The following UTRN variants were observed in gnomAD, a reference collection of about 807,000 sequenced individuals.
The protein encoded by UTRN is dystrophin-related protein 1.
Under a neutral mutation model 463.9 loss-of-function variants are expected in UTRN, and 283 were observed. The observed-to-expected ratio is 0.61, with a 90% CI of 0.55 to 0.67. The LOEUF (loss-of-function observed/expected upper bound fraction) is 0.67. Ranked by LOEUF, UTRN falls within the 30% of genes least tolerant of loss-of-function variation. The pLI is 0.00. For synonymous variants in UTRN, 1,442 were observed against 1,431.5 expected (o/e 1.01, Z -0.17); for missense variants, 3,922 against 4,084.3 (o/e 0.96, Z 1.08).
intron 60 of UTRN, among the ~76,000 whole-genome samples, chr6:144,780,690 G>A (rs1025877327): frequency 6.6e-5 from 10 of 151,914 alleles, no homozygotes; most frequent in Non-Finnish European, 1.5e-4. Flanking sequence ...CTCCTCCTTC[G>A]GGCCTTTGCG....
At chr6:144,367,348 AATCCT>A (rs1779605176) in intron 2 of UTRN, among the ~76,000 whole-genome samples, 2 of 151,730 alleles carry the variant, frequency 1.3e-5, no homozygotes, top group African/African-American at 4.9e-5. Context: ...AAAAAAAAAA[AATCCT>A]TCCAAGATAA....
At chr6:144,821,065 ATGT>A (rs2128753226) in intron 66 of UTRN, 47 bp downstream of exon 66, 6 of 1,580,174 alleles carry the variant, frequency 3.8e-6, no homozygotes, top group Non-Finnish European at 4.3e-6. Flanking sequence ...TTTATATCTG[ATGT>A]TGTCTTTTTT....
At position 144,797,837 on chromosome 6, in the gene UTRN, C is replaced by T; in HGVS notation, c.9092C>T (p.Pro3031Leu). The T allele has an allele frequency of 1.2e-6, 2 of 1,613,150 alleles. No individual in the cohort carries two copies. The highest frequency in any genetic ancestry group is 1.7e-6 in the Non-Finnish European group (2 of 1,179,606). ...RSCFQQNNNK[P>L]EISVKEFIDW... ...TTTTTTCACCAGAATAACAATAAACCAGAAATAAGTGTGAAAGAGTTTATA... is the reference window on the plus strand; with the variant it reads ...TTTTTTCACCAGAATAACAATAAACTAGAAATAAGTGTGAAAGAGTTTATA... Residue 3031 changes from proline to leucine, a missense_variant, in exon 64 of 75, where the codon CCA (proline) becomes CTA (leucine). Physicochemically the swap from Pro to Leu is moderately conservative, Grantham distance 98. Coordinates refer to ENST00000367545, the MANE Select transcript of UTRN (RefSeq NM_007124.3).
intron 50 of UTRN, among the ~76,000 whole-genome samples, chr6:144,567,029 C>T (rs1585311458): frequency 6.6e-6 from 1 of 152,050 alleles, no homozygotes; most frequent in East Asian, 1.9e-4. Flanking sequence ...TGCCTGTGGT[C>T]CCAGCTACTA....
At chr6:144,415,500 A>AT (rs1199736226) in intron 3 of UTRN, among the ~76,000 whole-genome samples, 7 of 152,284 alleles carry the variant, frequency 4.6e-5, no homozygotes, top group East Asian at 1.9e-4. Flanking sequence ...TTCTTATTCA[A>AT]TTTTTTGTAG....
chr6:144,573,465 G>A (rs1162268916), intron 50 of UTRN, among the ~76,000 whole-genome samples: 7 of 151,868 alleles, frequency 4.6e-5, no homozygotes, highest in African/African-American at 7.3e-5. Flanking sequence ...AGGCCGAGGC[G>A]GGCCGATCAC....
Position 144,757,982 on chromosome 6 carries a change from T to A in UTRN, c.8488T>A (p.Tyr2830Asn), listed in dbSNP as rs1439757407. Residue 2830 changes from tyrosine to asparagine, a missense_variant, in exon 58 of 75, where the codon TAC becomes AAC. Physicochemically the swap from Tyr to Asn is moderately radical, Grantham distance 143 (BLOSUM62 -2). Around this residue, in one of 3 missense-constraint regions of UTRN, gnomAD observed 1,309 missense variants for 1,452.6 expected, o/e 0.90. Transcript: ENST00000367545. ...RSISHNKVPY[Y>N]INHQTQTTCW... ...CATTTCACATAATAAAGTGCCCTAT[T>A]ACATCAAGTAAGTTGATTTTAATTC... is the stretch of plus-strand genomic sequence containing the variant. 6.2e-7 allele frequency: 1 copy of A among 1,609,618 alleles called. No homozygotes were observed. The highest frequency in any genetic ancestry group is 1.3e-5 in the African/African-American group (1 of 74,726).
chr6:144,361,283 A>T (rs766238868), intron 2 of UTRN, among the ~76,000 whole-genome samples: 2 of 152,204 alleles, frequency 1.3e-5, no homozygotes, highest in East Asian at 3.8e-4. Context: ...GTTTGTGGCT[A>T]AAAAGACTGG....
intron 2 of UTRN, among the ~76,000 whole-genome samples, chr6:144,311,008 A>G (rs1190277780): frequency 6.6e-6 from 1 of 152,242 alleles, no homozygotes; most frequent in Non-Finnish European, 1.5e-5. Flanking sequence ...GTGGTTGCCA[A>G]CTGCCTTTCC....
At chr6:144,735,957 A>G (rs1392625441) in intron 54 of UTRN, among the ~76,000 whole-genome samples, 1 of 152,110 alleles carries the variant, frequency 6.6e-6, no homozygotes, top group African/African-American at 2.4e-5. Context: ...TTTTACTGTG[A>G]CATTCAGGAT....
intron 54 of UTRN, among the ~76,000 whole-genome samples, chr6:144,739,372 G>A (rs1014987325): frequency 6.6e-6 from 1 of 152,164 alleles, no homozygotes; most frequent in Non-Finnish European, 1.5e-5. Context: ...ATATAGTTTA[G>A]TAGAAGTTAC....
chr6:144,362,559 C>G (rs898627017), intron 2 of UTRN, among the ~76,000 whole-genome samples: 2 of 152,098 alleles, frequency 1.3e-5, no homozygotes, highest in African/African-American at 4.8e-5. Flanking sequence ...GAAAGTTCTT[C>G]TTTTGTTGTT....
chr6:144,812,820 T>C (rs1287435607), intron 65 of UTRN, among the ~76,000 whole-genome samples: 1 of 152,208 alleles, frequency 6.6e-6, no homozygotes, highest in Non-Finnish European at 1.5e-5. Flanking sequence ...AGTGATACTT[T>C]CCATATTTTA....
intron 13 of UTRN, among the ~76,000 whole-genome samples, chr6:144,441,752 C>T (rs1584799250): frequency 6.6e-6 from 1 of 152,342 alleles, no homozygotes; most frequent in East Asian, 1.9e-4. Flanking sequence ...CCCACCTCTG[C>T]AGCAAACTTC....
At chr6:144,378,006 TTTAG>T (rs1780607288) in intron 2 of UTRN, among the ~76,000 whole-genome samples, 1 of 152,230 alleles carries the variant, frequency 6.6e-6, no homozygotes, top group African/African-American at 2.4e-5. Flanking sequence ...TCTAATGAAC[TTTAG>T]AATTGCTTTT....
At chr6:144,561,565 A>G (rs1430714975) in intron 50 of UTRN, among the ~76,000 whole-genome samples, 1 of 151,970 alleles carries the variant, frequency 6.6e-6, no homozygotes. Context: ...TACCTTGCCT[A>G]TGTTAAGGTA....
intron 51 of UTRN, among the ~76,000 whole-genome samples, chr6:144,619,888 G>A (rs762242807): frequency 3.5e-4 from 53 of 152,282 alleles, no homozygotes; most frequent in Middle Eastern, 3.4e-3. Flanking sequence ...CCAGGTGGAT[G>A]ATTCAACACT....
At chr6:144,760,706 C>G (rs1164608144) in intron 58 of UTRN, among the ~76,000 whole-genome samples, 1 of 152,130 alleles carries the variant, frequency 6.6e-6, no homozygotes, top group Non-Finnish European at 1.5e-5. Flanking sequence ...ATATACACTT[C>G]CCTTTGCGTG....
chr6:144,587,874 C>A (rs989246665), intron 51 of UTRN, among the ~76,000 whole-genome samples: 1 of 152,120 alleles, frequency 6.6e-6, no homozygotes, highest in Non-Finnish European at 1.5e-5. Context: ...CTCTAGTCTG[C>A]AAGTTAGAAT....
Sources: allele counts gnomAD v4.1 joint callset (sites outside exome capture counted in the v4.1 genomes callset), GRCh38; gene constraint gnomAD v4.1.1; regional missense constraint gnomAD v4.1.1; transcripts MANE v1.5; gene names NCBI Gene and HGNC (gene_info 2026-07-23, HGNC 2026-07-21).